The following MEGF11 variants were observed in gnomAD, a reference collection of about 807,000 sequenced individuals.
MEGF11 encodes multiple epidermal growth factor-like domains protein 11.
In MEGF11, 126 loss-of-function variants were observed where a neutral mutation model predicts 146.6. That is an observed-to-expected ratio of 0.86 (90% confidence interval 0.74 to 1.00). The LOEUF is 1.00. Among genes scored for constraint, MEGF11 ranks in the 50% least tolerant of loss-of-function variants. MEGF11 has a pLI of 0.00. For missense variants in MEGF11, 1,509 were observed against 1,521.2 expected (o/e 0.99, Z 0.13); for synonymous variants, 532 against 583.4 (o/e 0.91, Z 1.27).
intron 5 of MEGF11, among the ~76,000 whole-genome samples, chr15:66,078,937 G>A (rs553351169): frequency 1.2e-4 from 18 of 152,290 alleles, no homozygotes; most frequent in African/African-American, 4.1e-4. Flanking sequence ...CAACACTCCC[G>A]AGTACACAGT....
intron 5 of MEGF11, among the ~76,000 whole-genome samples, chr15:65,998,202 C>G (rs948056436): frequency 6.6e-6 from 1 of 152,146 alleles, no homozygotes; most frequent in East Asian, 1.9e-4. Context: ...ACTTGCAACC[C>G]TGGTCTAAGA....
intron 24 of MEGF11, chr15:65,902,234 CG>C (rs2078513452): frequency 6.6e-6 from 1 of 152,164 alleles, no homozygotes; most frequent in African/African-American, 2.4e-5. Context: ...CCAGAAAAGT[CG>C]GGGCTACTTT....
intron 1 of MEGF11, among the ~76,000 whole-genome samples, chr15:66,211,166 A>G (rs779313735): frequency 2.0e-5 from 3 of 152,086 alleles, no homozygotes; most frequent in Non-Finnish European, 2.9e-5. Flanking sequence ...TATCACATAC[A>G]TATTAACTTG....
At chr15:65,949,421 G>T (rs1042126189) in intron 10 of MEGF11, among the ~76,000 whole-genome samples, 1 of 152,236 alleles carries the variant, frequency 6.6e-6, no homozygotes, top group African/African-American at 2.4e-5. Flanking sequence ...GTTCATTTGG[G>T]TGATGGAGTG....
At chr15:65,898,439 ATC>A (rs1466332131) in intron 25 of MEGF11, 1 of 985,310 alleles carries the variant, frequency 1.0e-6, no homozygotes, top group Non-Finnish European at 1.2e-6. Flanking sequence ...TGTATCAACA[ATC>A]TGTGTGTGTG....
At chr15:66,014,314 T>C (rs920437990) in intron 5 of MEGF11, among the ~76,000 whole-genome samples, 6 of 152,166 alleles carry the variant, frequency 3.9e-5, no homozygotes, top group Admixed American at 3.3e-4. Context: ...TATTTCCAAA[T>C]AAGGTCACAT....
intron 10 of MEGF11, 76 bp from the exon 11 acceptor site, chr15:65,931,019 C>T: frequency 1.4e-6 from 2 of 1,410,390 alleles, no homozygotes; most frequent in Non-Finnish European, 1.9e-6. Flanking sequence ...GATAATGACC[C>T]CTGCTGCCCC....
At chr15:66,238,394 G>A (rs16949724) in intron 1 of MEGF11, among the ~76,000 whole-genome samples, 56,291 of 152,114 alleles carry the variant, frequency 0.37, 10,826 homozygotes, top group East Asian at 0.69. Flanking sequence ...TTGCTTCTCA[G>A]ACTGCAGGTT....
chr15:65,961,486 C>T (rs1268617139), intron 9 of MEGF11, among the ~76,000 whole-genome samples: 1 of 152,220 alleles, frequency 6.6e-6, no homozygotes, highest in South Asian at 2.1e-4. Flanking sequence ...TGGAATTAGT[C>T]TATGACAACC....
intron 4 of MEGF11, among the ~76,000 whole-genome samples, chr15:66,113,950 C>A (rs886701874): frequency 2.0e-5 from 3 of 152,118 alleles, no homozygotes; most frequent in Non-Finnish European, 4.4e-5. Flanking sequence ...TCAGGATCAC[C>A]TGGGAACTTG....
intron 1 of MEGF11, among the ~76,000 whole-genome samples, chr15:66,253,024 A>G (rs1412271995): frequency 6.6e-6 from 1 of 152,228 alleles, no homozygotes; most frequent in Non-Finnish European, 1.5e-5. Context: ...ATAGGGGGAT[A>G]CACGTTCCGC....
At chr15:66,226,792 C>T (rs561620819) in intron 1 of MEGF11, among the ~76,000 whole-genome samples, 5 of 152,090 alleles carry the variant, frequency 3.3e-5, no homozygotes, top group African/African-American at 1.2e-4. Flanking sequence ...CTGCTGTATA[C>T]TCACACCCTC....
At chr15:66,059,889 C>T (rs981742250) in intron 5 of MEGF11, among the ~76,000 whole-genome samples, 30 of 152,182 alleles carry the variant, frequency 2.0e-4, no homozygotes, top group African/African-American at 7.0e-4. Flanking sequence ...GGCAAATCTG[C>T]TATCTTGCTC....
chr15:66,218,996 A>AAAAAAAAAAAAAAAAAT (rs1265492985), intron 1 of MEGF11, among the ~76,000 whole-genome samples: 1 of 150,750 alleles, frequency 6.6e-6, no homozygotes, highest in East Asian at 1.9e-4. Flanking sequence ...AAAAAAAAAA[A>AAAAAAAAAAAAAAAAAT]CCTTAACCTA....
At chr15:65,904,863 C>G (rs1401455597) in intron 24 of MEGF11, among the ~76,000 whole-genome samples, 1 of 152,172 alleles carries the variant, frequency 6.6e-6, no homozygotes, top group African/African-American at 2.4e-5. Flanking sequence ...TTAGGATATG[C>G]ATTGGGACCT....
intron 8 of MEGF11, among the ~76,000 whole-genome samples, chr15:65,968,224 G>A (rs1420006223): frequency 2.6e-5 from 4 of 152,116 alleles, no homozygotes; most frequent in Admixed American, 2.6e-4. Flanking sequence ...GAGGCAGAAG[G>A]GGAGGAAAAA....
At chr15:65,970,499 C>A in intron 8 of MEGF11, 54 bp downstream of exon 8, 1 of 1,580,888 alleles carries the variant, frequency 6.3e-7, no homozygotes, top group Non-Finnish European at 8.6e-7. Context: ...CTGCAAGTCT[C>A]CTATGAATAT....
intron 1 of MEGF11, among the ~76,000 whole-genome samples, chr15:66,167,937 AC>A (rs1456529659): frequency 1.8e-4 from 28 of 152,038 alleles, no homozygotes; most frequent in African/African-American, 6.0e-4. Flanking sequence ...TCCCCCCTGA[AC>A]CCCTGCTGGG....
rs377666743 is a variant in MEGF11, at chr15:66,119,274, A to G, written c.201-88T>C. On this transcript the variant is annotated intron_variant, in intron 3 of 25. Coordinates refer to ENST00000395614, the MANE Select transcript of MEGF11 (RefSeq NM_001385028.1). ...ATATTTGTGTTAAGCTATATTGAGG[A>G]TGCCATTCAATAATTACTTTAAAAT... The G allele has an allele frequency of 1.0e-5, 9 of 873,838 alleles. No individual in the cohort carries two copies. In the South Asian group the frequency reaches 1.3e-4, roughly 12 times the overall value. The allele number at this position is 873,838 out of a possible 1,614,324, so 54.1% of individuals were successfully genotyped here.
Sources: gnomAD v4.1 joint callset for allele counts (sites outside exome capture counted in the v4.1 genomes callset) on GRCh38, gnomAD v4.1.1 for gene constraint, MANE v1.5 for transcripts, NCBI Gene and HGNC (gene_info 2026-07-23, HGNC 2026-07-21) for gene names.